Variants in HMGB1 observed in about 807,000 individuals in gnomAD.
HMGB1 encodes the protein high mobility group box 1.
For synonymous variants in HMGB1, 81 were observed against 84.0 expected (o/e 0.96, Z 0.19); for missense variants, 79 against 253.5 (o/e 0.31, Z 4.67).
rs1490130627 is a variant in HMGB1, at chr13:30,601,493, C to T, written c.-15+15178G>A. ...GGGCGCGGTGGCTCACGCCTGTAAT[C>T]CCAGCACTTTGGGAGGCCGAGGCGG... On this transcript the variant is annotated intron_variant, in intron 1 of 4. Coordinates refer to the HMGB1 transcript ENST00000405805. 1.3e-4 allele frequency among the ~76,000 whole-genome samples: 5 copies of T among 38,450 alleles called. 1 individual carries two copies. The highest frequency in any genetic ancestry group is 2.3e-3 in the African/African-American group (2 of 866). 25.2% of individuals were successfully genotyped at this position (38,450 alleles called of 152,430 possible).
intron 1 of HMGB1, among the ~76,000 whole-genome samples, chr13:30,494,983 T>C (rs895978560): frequency 2.0e-5 from 3 of 152,236 alleles, no homozygotes; most frequent in Non-Finnish European, 2.9e-5. Context: ...TGTTCATCCA[T>C]GTTGTAGTCT....
intron 1 of HMGB1, chr13:30,464,272 G>A (rs1886563588): frequency 7.1e-6 from 7 of 985,526 alleles, no homozygotes; most frequent in South Asian, 4.7e-5. Context: ...CGGTGCCACC[G>A]CGAGGCAGCC....
chr13:30,538,664 C>CTT (rs1459047420), intron 1 of HMGB1, among the ~76,000 whole-genome samples: 5 of 8,886 alleles, frequency 5.6e-4, no homozygotes, highest in African/African-American at 1.4e-3. Flanking sequence ...TCTTTCTTTC[C>CTT]TTTCTTTCTT....
chr13:30,597,684 C>T (rs1215779837), intron 1 of HMGB1, among the ~76,000 whole-genome samples: 1 of 152,178 alleles, frequency 6.6e-6, no homozygotes, highest in Non-Finnish European at 1.5e-5. Flanking sequence ...GAACAGCACA[C>T]TTTTTCTGCA....
rs2137386632 is a variant in HMGB1 at position 30,460,048 on chromosome 13, T to C, written c.*1309A>G. 6.6e-6 allele frequency: 1 copy of C among 152,638 alleles called. No homozygotes were observed. Among genetic ancestry groups the C allele is most frequent in the East Asian group, 1.9e-4 (1 of 5,184 alleles). The allele number at this position is 152,638 out of a possible 1,614,324, so 9.5% of individuals were successfully genotyped here. ...TACTGGCACTTTAAGAAAACGATAA[T>C]CTCGAAAACCACAAAATTGCCAAAT... On this transcript the variant is annotated 3_prime_UTR_variant, in exon 5 of 5. Transcript: ENST00000341423.
At chr13:30,536,455 T>C (rs1868438369) in intron 1 of HMGB1, among the ~76,000 whole-genome samples, 1 of 152,206 alleles carries the variant, frequency 6.6e-6, no homozygotes, top group African/African-American at 2.4e-5. Flanking sequence ...GTTCAAGTGA[T>C]TCTCCTGCTT....
At chr13:30,488,216 A>G (rs1187581636) in intron 1 of HMGB1, among the ~76,000 whole-genome samples, 3 of 152,232 alleles carry the variant, frequency 2.0e-5, no homozygotes. Flanking sequence ...AGCGTGTAAA[A>G]CAGACACCAT....
At chr13:30,511,742 G>A (rs780794769) in intron 1 of HMGB1, among the ~76,000 whole-genome samples, 12 of 152,072 alleles carry the variant, frequency 7.9e-5, no homozygotes, top group African/African-American at 2.7e-4. Flanking sequence ...CTGGGCTCTC[G>A]GCCTTTGGTT....
At chr13:30,575,633 T>G (rs1392284919) in intron 1 of HMGB1, among the ~76,000 whole-genome samples, 1 of 152,174 alleles carries the variant, frequency 6.6e-6, no homozygotes, top group Non-Finnish European at 1.5e-5. Flanking sequence ...TAATGAAGTT[T>G]GTCAGTTTCA....
At chr13:30,524,283 C>G (rs1888310110) in intron 1 of HMGB1, among the ~76,000 whole-genome samples, 2 of 148,480 alleles carry the variant, frequency 1.3e-5, no homozygotes, top group African/African-American at 5.0e-5. Flanking sequence ...CACATGTATA[C>G]CTATTAATAA....
chr13:30,543,140 T>G lies in HMGB1; in HGVS notation c.-15+73531A>C, dbSNP rs1408662059. The G allele has an allele frequency of 2.3e-5, 3 of 131,498 alleles. No individual in the cohort carries two copies. In the East Asian group the frequency reaches 6.5e-4, roughly 28 times the overall value. The allele number at this position is 131,498 out of a possible 1,614,324, so 8.1% of individuals were successfully genotyped here. On this transcript the variant is annotated intron_variant, in intron 1 of 4. Coordinates refer to the HMGB1 transcript ENST00000405805. ...AGGTTTTTTTTTTTTTTTTTTTTTT[T>G]TTTTAAGACAGAGGCTCACTCTGTT...
At chr13:30,593,751 T>C (rs886991955) in intron 1 of HMGB1, among the ~76,000 whole-genome samples, 1 of 151,974 alleles carries the variant, frequency 6.6e-6, no homozygotes, top group African/African-American at 2.4e-5. Context: ...ACAACCCGAG[T>C]CTAATCATAA....
chr13:30,468,524 G>A (rs562844287), upstream of HMGB1, among the ~76,000 whole-genome samples: 1 of 152,284 alleles, frequency 6.6e-6, no homozygotes, highest in Admixed American at 6.5e-5. Context: ...AAAGTGCTGG[G>A]ATTACAGGCA....
intron 1 of HMGB1, among the ~76,000 whole-genome samples, chr13:30,476,751 A>G (rs531927125): frequency 6.6e-6 from 1 of 151,922 alleles, no homozygotes; most frequent in African/African-American, 2.4e-5. Context: ...CTGTGATCCC[A>G]GATACTAGGG....
At chr13:30,505,461 A>T (rs927733442) in intron 1 of HMGB1, among the ~76,000 whole-genome samples, 2 of 152,002 alleles carry the variant, frequency 1.3e-5, no homozygotes, top group Non-Finnish European at 2.9e-5. Context: ...TACAGGTGTA[A>T]GCCACCGCGC....
intron 1 of HMGB1, among the ~76,000 whole-genome samples, chr13:30,551,706 A>AT (rs1201586660): frequency 6.6e-6 from 1 of 152,008 alleles, no homozygotes; most frequent in Non-Finnish European, 1.5e-5. Context: ...AACCACTGCA[A>AT]TTTATTTACT....
chr13:30,506,680 C>T (rs1887876682), intron 1 of HMGB1, among the ~76,000 whole-genome samples: 1 of 152,178 alleles, frequency 6.6e-6, no homozygotes, highest in African/African-American at 2.4e-5. Flanking sequence ...CCCTTCTCTC[C>T]AGCTCTCTTG....
In HMGB1 at chr13:30,541,300, C is replaced by T. The variant is rs180966381; in HGVS notation, c.-15+75371G>A. ...CTTGAGCCCAGGAGTTCAAATCCAACATGGGCAACGTAGCGAGACTCCATC... is the reference window on the plus strand; with the variant it reads ...CTTGAGCCCAGGAGTTCAAATCCAATATGGGCAACGTAGCGAGACTCCATC... On this transcript the variant is annotated intron_variant, in intron 1 of 4. Coordinates refer to the HMGB1 transcript ENST00000405805. 2.6e-5 allele frequency among the ~76,000 whole-genome samples: 4 copies of T among 152,286 alleles called. No individual in the cohort carries two copies. In the East Asian group the frequency reaches 7.7e-4, roughly 29 times the overall value.
At chr13:30,522,532 G>A (rs765147881) in intron 1 of HMGB1, among the ~76,000 whole-genome samples, 13 of 152,160 alleles carry the variant, frequency 8.5e-5, no homozygotes, top group Non-Finnish European at 1.5e-4. Flanking sequence ...AAACTGGGGA[G>A]GGGGAGGACT....
Sources: gnomAD v4.1 joint callset for allele counts (sites outside exome capture counted in the v4.1 genomes callset) on GRCh38, gnomAD v4.1.1 for gene constraint, MANE v1.5 for transcripts, NCBI Gene and HGNC (gene_info 2026-07-23, HGNC 2026-07-21) for gene names.